MKX: variants seen among roughly 807,000 people sequenced by gnomAD.
The protein encoded by MKX is homeobox protein Mohawk.
A neutral mutation model predicts 36.0 loss-of-function variants in MKX; 13 were observed. The ratio of observed to expected loss-of-function variants is 0.36; its 90% CI spans 0.24 to 0.57. The LOEUF (loss-of-function observed/expected upper bound fraction) is 0.57. Ranked by LOEUF, MKX falls within the 20% of genes least tolerant of loss-of-function variation. The pLI is 0.79. For synonymous variants in MKX, 176 were observed against 178.3 expected (o/e 0.99, Z 0.10); for missense variants, 458 against 456.4 (o/e 1.00, Z -0.03).
chr10:27,703,662 G>A (rs1238762733), intron 5 of MKX, among the ~76,000 whole-genome samples: 2 of 152,122 alleles, frequency 1.3e-5, no homozygotes, highest in Non-Finnish European at 2.9e-5. Context: ...ACTTTGGGAG[G>A]CCGTAGCGGG....
At chr10:27,719,897 G>C (rs72797698) in intron 5 of MKX, among the ~76,000 whole-genome samples, 1 of 151,422 alleles carries the variant, frequency 6.6e-6, no homozygotes, top group Non-Finnish European at 1.5e-5. Flanking sequence ...CCCAAGGTAG[G>C]AGGATTGTTT....
At position 27,743,564 on chromosome 10, in the gene MKX, C is replaced by A. The variant is rs1589703206; in HGVS notation, c.-82-67G>T. On this transcript the variant is annotated intron_variant, in intron 1 of 6. Coordinates refer to ENST00000419761, the MANE Select transcript of MKX (RefSeq NM_173576.3). ...TGCTCAGACCCCTGCAGGTTCAGGG[C>A]CTTGAACTTGGCCGGGTCGCCGGGC... The A allele has an allele frequency of 1.8e-5, 16 of 880,456 alleles. No homozygotes were observed. The South Asian group carries it at 3.6e-4, about 20-fold the overall frequency. The allele number at this position is 880,456 out of a possible 1,614,324, so 54.5% of individuals were successfully genotyped here.
intron 5 of MKX, among the ~76,000 whole-genome samples, chr10:27,686,926 C>A (rs908939744): frequency 6.6e-6 from 1 of 152,124 alleles, no homozygotes; most frequent in African/African-American, 2.4e-5. Context: ...ACAGGGTCCT[C>A]ACCTTCAACT....
intron 5 of MKX, among the ~76,000 whole-genome samples, chr10:27,676,183 A>T (rs1275266863): frequency 6.6e-6 from 1 of 151,770 alleles, no homozygotes; most frequent in African/African-American, 2.4e-5. Context: ...CTGAGGTGGG[A>T]GGATTGCTTG....
In MKX at chr10:27,735,359, C is replaced by A; in HGVS notation, c.364G>T (p.Ala122Ser). The change falls in exon 4 of 7, where the codon GCT (alanine) becomes TCT (serine). Residue 122 changes from alanine (A) to serine (S), a missense_variant. Physicochemically the swap from Ala to Ser is moderately conservative, Grantham distance 99. This residue lies in a region of MKX where 297 missense variants were observed against 304.4 expected (regional missense o/e 0.98). Coordinates refer to ENST00000419761, the MANE Select transcript of MKX (RefSeq NM_173576.3). ...MTLVQVSNWFANARRRLKNTV... is the reference protein window; with the variant it reads ...MTLVQVSNWFSNARRRLKNTV... The stretch of plus-strand genomic sequence containing the variant: ...TTCTTAAGCCGACGTCTTGCATTAG[C>A]AAACCAATTTGACACCTAAAACAGT... The A allele has an allele frequency of 6.2e-7, 1 of 1,611,994 alleles. No homozygotes were observed. Among genetic ancestry groups the A allele is most frequent in the Non-Finnish European group, 8.5e-7 (1 of 1,179,396 alleles).
intron 5 of MKX, among the ~76,000 whole-genome samples, chr10:27,711,156 A>G (rs974979421): frequency 5.3e-5 from 8 of 152,254 alleles, no homozygotes; most frequent in African/African-American, 1.7e-4. Flanking sequence ...CCCTGGAAAC[A>G]GAGATAAATC....
chr10:27,705,484 A>G (rs1836731639), intron 5 of MKX, among the ~76,000 whole-genome samples: 1 of 152,116 alleles, frequency 6.6e-6, no homozygotes, highest in Non-Finnish European at 1.5e-5. Context: ...CCTCCTGAGT[A>G]GCTGGGACTA....
In MKX at chr10:27,741,636, C is replaced by T. The variant is rs1227497287; in HGVS notation, c.189-132G>A. On this transcript the variant is annotated intron_variant, in intron 2 of 6. Coordinates refer to ENST00000419761, the MANE Select transcript of MKX (RefSeq NM_173576.3). The surrounding 1 kb of genome is among the most constrained non-coding windows in gnomAD (Gnocchi z 5.1). ...GCCTTGCGCCCCTGCTTTGCGCGCG[C>T]CCAGAGTGTTTGGGAGAGGCAGGAA... 3 of 1,077,532 alleles carry T rather than the reference C, an allele frequency of 2.8e-6. No homozygotes were observed. Among genetic ancestry groups the T allele is most frequent in the Non-Finnish European group, 3.8e-6 (3 of 780,504 alleles). The allele number at this position is 1,077,532 out of a possible 1,614,324, so 66.7% of individuals were successfully genotyped here. A position where few individuals can be genotyped will look rare whatever the true frequency, so the allele number is the denominator to read the frequency against.
At chr10:27,730,457 G>C (rs991931223) in intron 5 of MKX, among the ~76,000 whole-genome samples, 7 of 141,748 alleles carry the variant, frequency 4.9e-5, no homozygotes, top group Non-Finnish European at 9.0e-5. Context: ...ACTTTCAACT[G>C]GCTTTTTTTT....
intron 5 of MKX, among the ~76,000 whole-genome samples, chr10:27,716,340 C>G (rs776491773): frequency 6.7e-6 from 1 of 150,326 alleles, no homozygotes; most frequent in Non-Finnish European, 1.5e-5. Flanking sequence ...GGAGGATCAC[C>G]TAAGCCCGGG....
At chr10:27,685,597 C>G (rs921022020) in intron 5 of MKX, among the ~76,000 whole-genome samples, 7 of 151,998 alleles carry the variant, frequency 4.6e-5, no homozygotes, top group Admixed American at 4.6e-4. Context: ...TACAGGCGCC[C>G]GCCACCACGC....
chr10:27,686,826 T>C (rs561207566), intron 5 of MKX, among the ~76,000 whole-genome samples: 80 of 152,200 alleles, frequency 5.3e-4, no homozygotes, highest in African/African-American at 7.0e-4. Flanking sequence ...ATGACTTCCA[T>C]ATTCTGGCCA....
chr10:27,698,336 A>C (rs1156950286), intron 5 of MKX, among the ~76,000 whole-genome samples: 1 of 152,176 alleles, frequency 6.6e-6, no homozygotes. Flanking sequence ...TGTTGGAAAG[A>C]TTCCTCTCGC....
chr10:27,733,326 T>G (rs1344153340), intron 5 of MKX, among the ~76,000 whole-genome samples: 1 of 152,214 alleles, frequency 6.6e-6, no homozygotes, highest in Non-Finnish European at 1.5e-5. Context: ...AGAGCAACTT[T>G]AGATTTCTTA....
intron 5 of MKX, among the ~76,000 whole-genome samples, chr10:27,677,986 A>ATAT (rs1486726202): frequency 6.6e-6 from 1 of 152,224 alleles, no homozygotes; most frequent in Non-Finnish European, 1.5e-5. Context: ...AAAGTAACTC[A>ATAT]TGTAAATGCA....
chr10:27,734,197 A>C (rs1444787312), intron 5 of MKX, among the ~76,000 whole-genome samples: 1 of 152,026 alleles, frequency 6.6e-6, no homozygotes, highest in African/African-American at 2.4e-5. Flanking sequence ...AATATTAAAA[A>C]ATTAAAATTA....
chr10:27,734,532 A>G lies in MKX; in HGVS notation c.762T>C (p.Phe254=), dbSNP rs1445539510. Residue 254 remains phenylalanine (F), a synonymous_variant, in exon 5 of 7, where the codon TTT becomes TTC. Coordinates refer to ENST00000419761, the MANE Select transcript of MKX (RefSeq NM_173576.3). The stretch of plus-strand genomic sequence containing the variant: ...ATTCTTCCTCAAATTCATTGGAGCT[A>G]AAAGATCCCGAGTGGTTTCTTTGCC... ...KTRQRNHSGS[F]SSNEFEEELV... is the part of the protein sequence containing the mutation. The G allele has an allele frequency of 6.2e-7, 1 of 1,614,220 alleles. No individual in the cohort carries two copies. Among genetic ancestry groups the G allele is most frequent in the Non-Finnish European group, 8.5e-7 (1 of 1,180,042 alleles).
At chr10:27,711,900 G>GT (rs754635202) in intron 5 of MKX, among the ~76,000 whole-genome samples, 2 of 151,960 alleles carry the variant, frequency 1.3e-5, no homozygotes, top group Non-Finnish European at 2.9e-5. Context: ...TATAAAACAG[G>GT]TATCATTTCC....
chr10:27,679,912 G>A (rs1276292038), intron 5 of MKX, among the ~76,000 whole-genome samples: 3 of 152,112 alleles, frequency 2.0e-5, no homozygotes, highest in African/African-American at 7.2e-5. Context: ...CTCATGGTCA[G>A]TATTTGAGGA....
Sources: gnomAD v4.1 joint callset for allele counts (sites outside exome capture counted in the v4.1 genomes callset) on GRCh38, gnomAD v4.1.1 for gene constraint, gnomAD v4.1.1 regional missense constraint, Gnocchi (gnomAD v3.1) non-coding constraint, MANE v1.5 for transcripts, NCBI Gene and HGNC (gene_info 2026-07-23, HGNC 2026-07-21) for gene names.